Variants in SASS6 observed in about 807,000 individuals in gnomAD.
The protein encoded by SASS6 is SAS-6 centriolar assembly protein, also known as spindle assembly abnormal protein 6 homolog.
SASS6 carries 59 observed loss-of-function variants against 94.9 expected under a neutral mutation model. That is an observed-to-expected ratio of 0.62 (90% CI 0.50 to 0.77). The LOEUF (loss-of-function observed/expected upper bound fraction) is 0.77, where lower values mean the gene tolerates loss of function less well. Ranked by LOEUF, SASS6 falls within the 30% of genes least tolerant of loss-of-function variation. SASS6 has a pLI of 0.00. For synonymous variants in SASS6, 264 were observed against 270.0 expected (o/e 0.98, Z 0.22); for missense variants, 698 against 734.1 (o/e 0.95, Z 0.57).
At chr1:100,115,975 C>A (rs1018725588) in intron 7 of SASS6, among the ~76,000 whole-genome samples, 45 of 151,714 alleles carry the variant, frequency 3.0e-4, no homozygotes, top group African/African-American at 1.1e-3. Flanking sequence ...GAAAATTAAA[C>A]AAATATTAGA....
intron 12 of SASS6, 135 bp from the exon 13 acceptor site, chr1:100,106,038 T>C (rs1214725108): frequency 5.6e-6 from 3 of 533,864 alleles, no homozygotes; most frequent in Admixed American, 8.2e-5. Context: ...AGGAGAGCAA[T>C]ATAGGTTCAC....
At chr1:100,113,350 T>C (rs1243422820) in intron 7 of SASS6, among the ~76,000 whole-genome samples, 1 of 152,120 alleles carries the variant, frequency 6.6e-6, no homozygotes, top group Non-Finnish European at 1.5e-5. Flanking sequence ...GGCTCACGCC[T>C]GTAATCCCAG....
intron 14 of SASS6, among the ~76,000 whole-genome samples, chr1:100,099,674 G>A (rs914128342): frequency 2.0e-5 from 3 of 152,148 alleles, no homozygotes; most frequent in Admixed American, 2.0e-4. Flanking sequence ...AATGAAAAAG[G>A]ACAGCTGTTT....
Position 100,121,455 on chromosome 1 carries a change from G to T in SASS6, c.406C>A (p.His136Asn). The T allele has an allele frequency of 6.3e-7, 1 of 1,599,082 alleles. No individual in the cohort carries two copies. Among genetic ancestry groups the T allele is most frequent in the Non-Finnish European group, 8.6e-7 (1 of 1,169,134 alleles). The stretch of plus-strand genomic sequence containing the variant: ...CCAGGTAAAAGTTTTAGTGAGAGGT[G>T]TGTAAGATGCTTAAAAGGATTTGTC... ...VETNPFKHLT[H>N]LSLKLLPGND... Residue 136 changes from histidine (H) to asparagine (N), a missense_variant, in exon 5 of 17, where the codon CAC becomes AAC. Transcript: ENST00000287482.
intron 7 of SASS6, among the ~76,000 whole-genome samples, chr1:100,111,190 A>C (rs1228709700): frequency 6.6e-6 from 1 of 152,040 alleles, no homozygotes; most frequent in East Asian, 1.9e-4. Context: ...CAAATAACCC[A>C]TAATCCCATC....
intron 14 of SASS6, among the ~76,000 whole-genome samples, chr1:100,095,196 A>T (rs116431784): frequency 0.011 from 1,640 of 152,318 alleles, 28 homozygotes; most frequent in African/African-American, 0.038. Flanking sequence ...CCTGAAGCTC[A>T]GGAACAAGGC....
intron 15 of SASS6, among the ~76,000 whole-genome samples, chr1:100,086,484 A>G (rs1435583084): frequency 6.6e-6 from 1 of 151,540 alleles, no homozygotes; most frequent in Non-Finnish European, 1.5e-5. Context: ...ATTTTCTGCT[A>G]GTAAAATTGC....
chr1:100,130,309 T>A (rs1035010830), intron 1 of SASS6, among the ~76,000 whole-genome samples: 2 of 152,192 alleles, frequency 1.3e-5, no homozygotes, highest in African/African-American at 4.8e-5. Flanking sequence ...ATTTACATCC[T>A]CCACACTTAG....
chr1:100,129,023 G>C (rs1391857633), intron 1 of SASS6, among the ~76,000 whole-genome samples: 1 of 152,114 alleles, frequency 6.6e-6, no homozygotes, highest in Non-Finnish European at 1.5e-5. Context: ...TGGATCACCT[G>C]AGGCCAAGAG....
Position 100,123,210 on chromosome 1 carries a change from C to A in SASS6, c.206G>T (p.Ser69Ile). The A allele has an allele frequency of 7.3e-7, 1 of 1,372,266 alleles. No homozygotes were observed. The highest frequency in any genetic ancestry group is 1.3e-5 in the South Asian group (1 of 79,700). 85.0% of individuals were successfully genotyped at this position (1,372,266 alleles called of 1,614,324 possible). Residue 69 changes from serine to isoleucine, a missense_variant and splice_region_variant, in exon 3 of 17, where the codon AGT (serine) becomes ATT (isoleucine). Ser to Ile is a moderately radical substitution (Grantham distance 142). Transcript: ENST00000287482. ...NLVISEEDFQ[S>I]LKFQQGLLVD... ...TAAGATCAGAAAAAAATTTAGTTAC[C>A]TTTGAAAATCTTCCTCAGATATAAC...
At chr1:100,110,822 AC>A (rs1164561343) in intron 7 of SASS6, among the ~76,000 whole-genome samples, 1 of 152,026 alleles carries the variant, frequency 6.6e-6, no homozygotes, top group Non-Finnish European at 1.5e-5. Flanking sequence ...AATACTGTAT[AC>A]AGGATGAACC....
intron 6 of SASS6, 51 bp from the exon 7 acceptor site, chr1:100,119,188 T>A: frequency 9.6e-7 from 1 of 1,045,302 alleles, no homozygotes; most frequent in Non-Finnish European, 1.4e-6. Context: ...TAATATGTAA[T>A]AATTTTGATT....
chr1:100,093,681 A>G (rs749307702), intron 14 of SASS6, among the ~76,000 whole-genome samples: 1 of 152,052 alleles, frequency 6.6e-6, no homozygotes, highest in Non-Finnish European at 1.5e-5. Flanking sequence ...AGAATCACAT[A>G]AACCCAGGAG....
chr1:100,123,391 G>A, intron 2 of SASS6, 102 bp from the exon 3 acceptor site: 1 of 581,004 alleles, frequency 1.7e-6, no homozygotes, highest in Non-Finnish European at 3.1e-6. Context: ...GTGTATCATA[G>A]TTATATTGCA....
intron 3 of SASS6, 97 bp downstream of exon 3, chr1:100,123,113 T>C (rs1654325526): frequency 1.8e-6 from 1 of 569,272 alleles, no homozygotes; most frequent in Non-Finnish European, 3.1e-6. Context: ...AGTAACTAAA[T>C]CTAATATGTA....
chr1:100,097,670 G>T (rs1652198657), intron 14 of SASS6, among the ~76,000 whole-genome samples: 1 of 151,728 alleles, frequency 6.6e-6, no homozygotes, highest in South Asian at 2.1e-4. Context: ...ACAAAAAAAT[G>T]CAAAAAAAGG....
At chr1:100,106,770 C>T in intron 12 of SASS6, 142 bp downstream of exon 12, 2 of 544,512 alleles carry the variant, frequency 3.7e-6, no homozygotes, top group Non-Finnish European at 6.7e-6. Flanking sequence ...GGGAGGATAA[C>T]TTGAACCAAA....
chr1:100,106,921 T>C lies in SASS6; in HGVS notation c.1399A>G (p.Asn467Asp). 7.7e-7 allele frequency: 1 copy of C among 1,301,962 alleles called. No homozygotes were observed. The highest frequency in any genetic ancestry group is 1.1e-6 in the Non-Finnish European group (1 of 904,744). The allele number at this position is 1,301,962 out of a possible 1,614,324, so 80.7% of individuals were successfully genotyped here. Reference protein sequence around the residue: ...LEESKQLLKNNEKLITWLNKE... With the variant: ...LEESKQLLKNDEKLITWLNKE... ...CACGTAACATACTTACACTTTTCAT[T>C]ATTTTTTAGAAGTTGTTTGCTTTCT... The change falls in exon 12 of 17, where the codon AAT becomes GAT. Residue 467 changes from asparagine (N) to aspartate (D), a missense_variant. By Grantham distance (23) the Asn-to-Asp change is conservative (BLOSUM62 1). Coordinates refer to ENST00000287482, the MANE Select transcript of SASS6 (RefSeq NM_194292.3).
At position 100,107,460 on chromosome 1, in the gene SASS6, G is replaced by A; in HGVS notation, c.1240C>T (p.Leu414Phe). The part of the protein sequence containing the change: ...KNTVTIQQEK[L>F]LAEKEEKLQK... ...AATTTTTCCTCCTTCTCAGCCAAGAGTTTTTCTTGCTGAATAGTAACTGTA... is the reference window on the plus strand; with the variant it reads ...AATTTTTCCTCCTTCTCAGCCAAGAATTTTTCTTGCTGAATAGTAACTGTA... Residue 414 changes from leucine (L) to phenylalanine (F), a missense_variant, in exon 11 of 17, where the codon CTC becomes TTC. Leu to Phe is a conservative substitution (Grantham distance 22). Transcript: ENST00000287482. 1 of 1,606,384 alleles carries A rather than the reference G, an allele frequency of 6.2e-7. No homozygotes were observed.
Sources: gnomAD v4.1 joint callset for allele counts (sites outside exome capture counted in the v4.1 genomes callset) on GRCh38, gnomAD v4.1.1 for gene constraint, MANE v1.5 for transcripts, NCBI Gene and HGNC (gene_info 2026-07-23, HGNC 2026-07-21) for gene names.